WIPF2: variants seen among roughly 807,000 people sequenced by gnomAD.
WIPF2 encodes WAS/WASL interacting protein family member 2.
In WIPF2, 23 loss-of-function variants were observed where a neutral mutation model predicts 38.8. The observed-to-expected ratio is 0.59, with a 90% confidence interval of 0.43 to 0.84. The LOEUF (loss-of-function observed/expected upper bound fraction) is 0.84, where lower values mean the gene tolerates loss of function less well. Ranked by LOEUF, WIPF2 falls within the 40% of genes least tolerant of loss-of-function variation. The pLI is 0.00. For synonymous variants in WIPF2, 210 were observed against 223.2 expected, an observed-to-expected ratio of 0.94 and a Z score of 0.53; for missense variants, 574 against 580.5, an observed-to-expected ratio of 0.99 and a Z score of 0.11.
chr17:40,232,978 G>A (rs538512739), intron 1 of WIPF2, among the ~76,000 whole-genome samples: 2 of 152,220 alleles, frequency 1.3e-5, no homozygotes, highest in South Asian at 4.1e-4. Context: ...ATTAATTTTG[G>A]TTATGATTTC....
intron 1 of WIPF2, among the ~76,000 whole-genome samples, chr17:40,245,965 GTTTC>G (rs981455634): frequency 3.3e-5 from 5 of 152,012 alleles, no homozygotes; most frequent in South Asian, 2.1e-4. Flanking sequence ...ATAGCCTTGT[GTTTC>G]TTTCTTTCCT....
In WIPF2 at chr17:40,223,703, G is replaced by A. The variant is rs1370860100; in HGVS notation, c.-70+4211G>A. On this transcript the variant is annotated intron_variant, in intron 1 of 7. Coordinates refer to ENST00000323571, the MANE Select transcript of WIPF2 (RefSeq NM_133264.5). ...CAACCTCCACCTCCCAGGTTCAAGC[G>A]ATTCTCCTGCCTCAGCCTCCTGAGT... 2.0e-5 allele frequency among the ~76,000 whole-genome samples: 3 copies of A among 149,804 alleles called. No homozygotes were observed. In the Admixed American group the frequency reaches 2.0e-4, roughly 10 times the overall value.
At chr17:40,276,419 G>T (rs771020630) in intron 6 of WIPF2, among the ~76,000 whole-genome samples, 1 of 149,534 alleles carries the variant, frequency 6.7e-6, no homozygotes, top group African/African-American at 2.5e-5. Flanking sequence ...TCTCAGGGAC[G>T]CTGGGGCAGG....
Position 40,264,837 on chromosome 17 carries a change from C to G in WIPF2, c.661C>G (p.Arg221Gly). The change falls in exon 5 of 8, where the codon CGA (arginine) becomes GGA (glycine). Residue 221 changes from arginine (R) to glycine (G), a missense_variant. Arg to Gly is a moderately radical substitution (Grantham distance 125). Transcript: ENST00000323571. ...PTPGQRLHPG[R>G]EGPPAPPPVK... ...GCCTGGACAAAGGCTTCACCCTGGTCGAGAGGGACCTCCTGCTCCACCCCC... is the reference window on the plus strand; with the variant it reads ...GCCTGGACAAAGGCTTCACCCTGGTGGAGAGGGACCTCCTGCTCCACCCCC... The G allele has an allele frequency of 6.2e-7, 1 of 1,614,080 alleles. No homozygotes were observed. Among genetic ancestry groups the G allele is most frequent in the Non-Finnish European group, 8.5e-7 (1 of 1,180,010 alleles).
Position 40,264,668 on chromosome 17 carries a change from C to T in WIPF2, c.492C>T (p.Thr164=), listed in dbSNP as rs1854035443. ...TACCGGACCTCTCTCGGCCTAATACCACCAGCAGTACGGGCATGAAGCACA... is the reference window on the plus strand; with the variant it reads ...TACCGGACCTCTCTCGGCCTAATACTACCAGCAGTACGGGCATGAAGCACA... ...PSLPDLSRPN[T]TSSTGMKHSS... The change falls in exon 5 of 8, where the codon ACC becomes ACT. Residue 164 remains threonine (T), a synonymous_variant. Transcript: ENST00000323571. The T allele has an allele frequency of 6.2e-7, 1 of 1,613,452 alleles. No individual in the cohort carries two copies. Among genetic ancestry groups the T allele is most frequent in the Non-Finnish European group, 8.5e-7 (1 of 1,179,720 alleles).
In WIPF2 at chr17:40,262,520, T is replaced by G; in HGVS notation, c.197-5T>G. On this transcript the variant is annotated splice_region_variant and splice_polypyrimidine_tract_variant and intron_variant, in intron 3 of 7. Coordinates refer to ENST00000323571, the MANE Select transcript of WIPF2 (RefSeq NM_133264.5). ...AAATGAAAACCCTACTGGTATGCTTTCCAGAGCCGAAAGGAAGCAGTGGTG... is the reference window on the plus strand; with the variant it reads ...AAATGAAAACCCTACTGGTATGCTTGCCAGAGCCGAAAGGAAGCAGTGGTG... 1 of 1,613,220 alleles carries G rather than the reference T, an allele frequency of 6.2e-7. No individual in the cohort carries two copies. Among genetic ancestry groups the G allele is most frequent in the Non-Finnish European group, 8.5e-7 (1 of 1,179,276 alleles).
At chr17:40,259,489 C>T (rs948962532) in intron 2 of WIPF2, among the ~76,000 whole-genome samples, 1 of 151,352 alleles carries the variant, frequency 6.6e-6, no homozygotes, top group African/African-American at 2.4e-5. Context: ...TGGAAAAGGC[C>T]TGGGGCTTTG....
chr17:40,274,704 G>A (rs1247445324), intron 6 of WIPF2, among the ~76,000 whole-genome samples: 1 of 151,540 alleles, frequency 6.6e-6, no homozygotes, highest in African/African-American at 2.4e-5. Flanking sequence ...CACTTTGGGA[G>A]GCCAAGGTGG....
intron 6 of WIPF2, among the ~76,000 whole-genome samples, chr17:40,274,813 C>G (rs1216745789): frequency 6.6e-6 from 1 of 150,566 alleles, no homozygotes; most frequent in Non-Finnish European, 1.5e-5. Flanking sequence ...TGTGGTGGCA[C>G]ACGCCTGTGT....
At chr17:40,222,481 C>T (rs2030279330) in intron 1 of WIPF2, among the ~76,000 whole-genome samples, 1 of 150,820 alleles carries the variant, frequency 6.6e-6, no homozygotes, top group Non-Finnish European at 1.5e-5. Flanking sequence ...GCACTCCAGC[C>T]TGGGCAACAA....
chr17:40,239,082 A>T (rs1427633223), intron 1 of WIPF2, among the ~76,000 whole-genome samples: 1 of 147,844 alleles, frequency 6.8e-6, no homozygotes, highest in African/African-American at 2.5e-5. Flanking sequence ...TTATTTATTT[A>T]TTTATTTGAG....
At chr17:40,232,179 ATTTTTTTTTT>A (rs752876006) in intron 1 of WIPF2, among the ~76,000 whole-genome samples, 12 of 76,050 alleles carry the variant, frequency 1.6e-4, no homozygotes, top group Middle Eastern at 9.1e-3. Flanking sequence ...TGCCTGGCTA[ATTTTTTTTTT>A]TTTTTTTTTT....
At chr17:40,271,722 G>A (rs1415181121) in intron 5 of WIPF2, among the ~76,000 whole-genome samples, 1 of 152,126 alleles carries the variant, frequency 6.6e-6, no homozygotes, top group Non-Finnish European at 1.5e-5. Context: ...TTTGTGAAAT[G>A]GGGATAATAT....
At chr17:40,275,252 A>C (rs1168791587) in intron 6 of WIPF2, among the ~76,000 whole-genome samples, 2 of 151,700 alleles carry the variant, frequency 1.3e-5, no homozygotes, top group Non-Finnish European at 2.9e-5. Context: ...AAAAAAAAAA[A>C]AAAAAAAAAC....
At chr17:40,246,159 T>C (rs2145333349) in intron 1 of WIPF2, among the ~76,000 whole-genome samples, 1 of 151,200 alleles carries the variant, frequency 6.6e-6, no homozygotes, top group East Asian at 1.9e-4. Flanking sequence ...TGATCTCGGC[T>C]CACTGCAACA....
intron 1 of WIPF2, among the ~76,000 whole-genome samples, chr17:40,224,426 T>G (rs1441264446): frequency 2.0e-5 from 3 of 148,560 alleles, no homozygotes; most frequent in South Asian, 4.3e-4. Flanking sequence ...TTTTTTTTTT[T>G]GTAGTAGAGA....
chr17:40,265,786 A>G (rs568868594), intron 5 of WIPF2, among the ~76,000 whole-genome samples: 37 of 152,286 alleles, frequency 2.4e-4, no homozygotes, highest in African/African-American at 8.7e-4. Context: ...TTTTAAACAG[A>G]GAAGTAGTAT....
At chr17:40,254,255 C>T (rs576800257) in intron 1 of WIPF2, among the ~76,000 whole-genome samples, 6 of 151,986 alleles carry the variant, frequency 3.9e-5, no homozygotes, top group Non-Finnish European at 8.8e-5. Flanking sequence ...GGGCTCAAGC[C>T]GTCTTCCTTT....
intron 1 of WIPF2, among the ~76,000 whole-genome samples, chr17:40,250,770 G>T (rs920562236): frequency 4.6e-5 from 7 of 151,946 alleles, no homozygotes; most frequent in African/African-American, 1.7e-4. Flanking sequence ...TTAACCTCAA[G>T]ACCATTAGAT....
Sources: gnomAD v4.1 joint callset for allele counts (sites outside exome capture counted in the v4.1 genomes callset) on GRCh38, gnomAD v4.1.1 for gene constraint, MANE v1.5 for transcripts, NCBI Gene and HGNC (gene_info 2026-07-23, HGNC 2026-07-21) for gene names.